The following WDR25 variants were observed in gnomAD, a reference collection of about 807,000 sequenced individuals.
WDR25 encodes the protein WD repeat-containing protein 25.
In WDR25, 35 loss-of-function variants were observed where a neutral mutation model predicts 47.7. The observed-to-expected ratio is 0.73, with a 90% CI of 0.56 to 0.97. The LOEUF (loss-of-function observed/expected upper bound fraction) is 0.97. WDR25 is among the 50% of genes least tolerant of loss of function. WDR25 has a pLI of 0.00. For missense variants in WDR25, 634 were observed against 704.7 expected (o/e 0.90, Z 1.14); for synonymous variants, 248 against 278.9 (o/e 0.89, Z 1.10).
At chr14:100,476,529 T>C (rs974828519) in intron 3 of WDR25, 1 of 152,150 alleles carries the variant, frequency 6.6e-6, no homozygotes, top group Non-Finnish European at 1.5e-5. Context: ...TCTGTGGATG[T>C]GAACAAAGCA....
Position 100,430,161 on chromosome 14 carries a change from T to C in WDR25, c.823-37860T>C, listed in dbSNP as rs1898287165. 6.6e-6 allele frequency among the ~76,000 whole-genome samples: 1 copy of C among 151,298 alleles called. No homozygotes were observed. Among genetic ancestry groups the C allele is most frequent in the Non-Finnish European group, 1.5e-5 (1 of 67,742 alleles). ...AGACCAAGGGGGCCTGGTGTGTGTG[T>C]GTGTGTGTGTGTGTGTGTGTGTGTT... is the stretch of plus-strand genomic sequence containing the variant. On this transcript the variant is annotated intron_variant, in intron 2 of 6. Transcript: ENST00000402312. This position sits in a 1 kb window ranked among gnomAD's most constrained non-coding sequence, Gnocchi z 4.7.
intron 2 of WDR25, among the ~76,000 whole-genome samples, chr14:100,466,793 A>T (rs1446021750): frequency 6.6e-6 from 1 of 152,220 alleles, no homozygotes; most frequent in African/African-American, 2.4e-5. Context: ...AGGTGAGAGC[A>T]CTGCCCTCAT....
At chr14:100,505,345 T>G (rs2140354982) in intron 4 of WDR25, among the ~76,000 whole-genome samples, 1 of 152,334 alleles carries the variant, frequency 6.6e-6, no homozygotes, top group African/African-American at 2.4e-5. Context: ...TGAAACGACA[T>G]TATTTTCCTC....
At chr14:100,388,961 C>T (rs1897078989) in intron 2 of WDR25, among the ~76,000 whole-genome samples, 1 of 152,162 alleles carries the variant, frequency 6.6e-6, no homozygotes, top group Admixed American at 6.5e-5. Context: ...TGGAAAAATG[C>T]TTTTAATGTA....
intron 3 of WDR25, among the ~76,000 whole-genome samples, chr14:100,478,598 G>A (rs1900096931): frequency 1.3e-5 from 2 of 152,202 alleles, no homozygotes; most frequent in Admixed American, 1.3e-4. Context: ...AAAGCAGTAA[G>A]GGCCTAGTTA....
intron 4 of WDR25, among the ~76,000 whole-genome samples, chr14:100,491,695 G>T (rs747697979): frequency 1.3e-5 from 2 of 152,214 alleles, no homozygotes; most frequent in African/African-American, 2.4e-5. Context: ...ATCAGTGAGG[G>T]CTGTGCGTTT....
rs1896886007 is a variant in WDR25 at position 100,381,265 on chromosome 14, GTTC to G, written c.346_348del (p.Ser116del). 10 of 1,614,072 alleles carry G rather than the reference GTTC, an allele frequency of 6.2e-6. No homozygotes were observed. The highest frequency in any genetic ancestry group is 8.5e-6 in the Non-Finnish European group (10 of 1,180,018). On this transcript the variant is annotated inframe_deletion, in exon 2 of 7. Transcript: ENST00000402312. The stretch of plus-strand genomic sequence containing the variant: ...ACCTTCCCCATCAAAGAGCCTTCTT[GTTC>G]TTCTCTGTGGACGAGCCATGTTCCA...
At chr14:100,390,400 TGTG>T (rs1162164168) in intron 2 of WDR25, among the ~76,000 whole-genome samples, 99 of 144,164 alleles carry the variant, frequency 6.9e-4, no homozygotes, top group Non-Finnish European at 1.2e-3. Context: ...GCTGTGTGTG[TGTG>T]TGTGTGTGTG....
chr14:100,474,814 C>T (rs1197531410), intron 3 of WDR25, among the ~76,000 whole-genome samples: 2 of 152,184 alleles, frequency 1.3e-5, no homozygotes, highest in African/African-American at 4.8e-5. Context: ...AACTAAAAAG[C>T]TTCTGCACAG....
chr14:100,514,036 C>G (rs568755952), intron 4 of WDR25, among the ~76,000 whole-genome samples: 1 of 151,318 alleles, frequency 6.6e-6, no homozygotes, highest in Non-Finnish European at 1.5e-5. Context: ...CCCGGGTTCA[C>G]GCCATTCTCC....
At position 100,506,649 on chromosome 14, in the gene WDR25, AT is replaced by A. The variant is rs1901121444; in HGVS notation, c.1102-19218del. Among the ~76,000 whole-genome samples the A allele has an allele frequency of 6.6e-6, 1 of 152,052 alleles. No individual in the cohort carries two copies. Among genetic ancestry groups the A allele is most frequent in the African/African-American group, 2.4e-5 (1 of 41,386 alleles). On this transcript the variant is annotated intron_variant, in intron 4 of 6. Transcript: ENST00000402312. This position sits in a 1 kb window ranked among gnomAD's most constrained non-coding sequence, Gnocchi z 4.8. ...TTATCTCATTGTGATTTTGATTTGC[AT>A]TTCTCTGCTGACTAGTGATGTTGAA...
chr14:100,426,732 GC>G (rs902033600), intron 2 of WDR25, among the ~76,000 whole-genome samples: 2 of 152,076 alleles, frequency 1.3e-5, no homozygotes, highest in Admixed American at 6.5e-5. Flanking sequence ...GAAGACTGCT[GC>G]CCCCCAGCCC....
At chr14:100,436,615 C>G (rs1175313912) in intron 2 of WDR25, among the ~76,000 whole-genome samples, 1 of 152,154 alleles carries the variant, frequency 6.6e-6, no homozygotes, top group Non-Finnish European at 1.5e-5. Flanking sequence ...GGCCAGGTAG[C>G]CTCTGAGTCA....
chr14:100,377,419 C>T (rs1283121847), intron 1 of WDR25, among the ~76,000 whole-genome samples: 4 of 152,140 alleles, frequency 2.6e-5, no homozygotes, highest in Non-Finnish European at 5.9e-5. Flanking sequence ...GCGGCCTCAG[C>T]CTCCAGAGTA....
chr14:100,414,113 C>T (rs573855798), intron 2 of WDR25, among the ~76,000 whole-genome samples: 34 of 150,626 alleles, frequency 2.3e-4, no homozygotes, highest in Middle Eastern at 3.5e-3. Context: ...CTTCTGCCTC[C>T]GCCTCCCTAG....
At chr14:100,479,075 G>A (rs1878155329) in intron 3 of WDR25, among the ~76,000 whole-genome samples, 1 of 152,088 alleles carries the variant, frequency 6.6e-6, no homozygotes, top group Non-Finnish European at 1.5e-5. Flanking sequence ...GGGCCTTCTC[G>A]GTGGTGTGGG....
intron 4 of WDR25, among the ~76,000 whole-genome samples, chr14:100,516,239 C>T (rs1403414941): frequency 1.3e-5 from 2 of 152,118 alleles, no homozygotes; most frequent in Admixed American, 6.6e-5. Context: ...AATTTTGCCT[C>T]ATTTCTGAGG....
chr14:100,376,622 A>AT (rs750345565), intron 1 of WDR25, 127 bp downstream of exon 1: 6 of 1,231,972 alleles, frequency 4.9e-6, no homozygotes, highest in Non-Finnish European at 6.1e-6. Context: ...GTTCCTTCAG[A>AT]AAGCGCTGTG....
At chr14:100,393,497 G>A (rs964597986) in intron 2 of WDR25, among the ~76,000 whole-genome samples, 1 of 152,176 alleles carries the variant, frequency 6.6e-6, no homozygotes, top group Non-Finnish European at 1.5e-5. Flanking sequence ...CGGGGGCGGA[G>A]GATTGGTGGC....
Sources: gnomAD v4.1 joint callset for allele counts (sites outside exome capture counted in the v4.1 genomes callset) on GRCh38, gnomAD v4.1.1 for gene constraint, Gnocchi (gnomAD v3.1) non-coding constraint, MANE v1.5 for transcripts, NCBI Gene and HGNC (gene_info 2026-07-23, HGNC 2026-07-21) for gene names.